ECSCR: variants seen among roughly 807,000 people sequenced by gnomAD.
ECSCR encodes endothelial cell surface expressed chemotaxis and apoptosis regulator, also known as endothelial cell-specific chemotaxis regulator.
A neutral mutation model predicts 16.7 loss-of-function variants in ECSCR; 12 were observed. That is an observed-to-expected ratio of 0.72 (90% CI 0.46 to 1.17). The LOEUF is 1.17. Among genes scored for constraint, ECSCR ranks in the 50% most tolerant of loss-of-function variants. ECSCR has a pLI of 0.00. For synonymous variants in ECSCR, 44 were observed against 42.2 expected (o/e 1.04, Z -0.17); for missense variants, 122 against 116.1 (o/e 1.05, Z -0.23).
rs535324332 is a variant in ECSCR at position 139,460,228 on chromosome 5, C to T, written c.62-2045G>A. ...TCAGCTCACTGCAACCTCCGCCTCCCGGGCTCAAGCTATTCTCCTGTCTCA... is the reference window on the plus strand; with the variant it reads ...TCAGCTCACTGCAACCTCCGCCTCCTGGGCTCAAGCTATTCTCCTGTCTCA... On this transcript the variant is annotated intron_variant, in intron 1 of 9. Coordinates refer to ENST00000618155, the MANE Select transcript of ECSCR (RefSeq NM_001077693.4). 7.2e-5 allele frequency among the ~76,000 whole-genome samples: 11 copies of T among 152,134 alleles called. No individual in the cohort carries two copies. The South Asian group carries it at 2.3e-3, about 32-fold the overall frequency.
At position 139,462,693 on chromosome 5, in the gene ECSCR, A is replaced by C; in HGVS notation, c.-23T>G. On this transcript the variant is annotated 5_prime_UTR_variant, in exon 1 of 10. Coordinates refer to ENST00000618155, the MANE Select transcript of ECSCR (RefSeq NM_001077693.4). ...CATGTCAGCTGGGTATGTGGCGGGC[A>C]GGCAGCAGCTCAGTGGAGGCTCTGT... 1 of 1,382,894 alleles carries C rather than the reference A, an allele frequency of 7.2e-7. No individual in the cohort carries two copies. Among genetic ancestry groups the C allele is most frequent in the Non-Finnish European group, 9.6e-7 (1 of 1,039,630 alleles). The allele number at this position is 1,382,894 out of a possible 1,614,324, so 85.7% of individuals were successfully genotyped here.
At chr5:139,460,545 T>C (rs1439393178) in intron 1 of ECSCR, among the ~76,000 whole-genome samples, 5 of 152,330 alleles carry the variant, frequency 3.3e-5, no homozygotes, top group South Asian at 2.1e-4. Flanking sequence ...AATTATTCAG[T>C]GGCTTGGGAG....
At chr5:139,457,879 A>G (rs1751194789) in intron 2 of ECSCR, 72 bp from the exon 3 acceptor site, 1 of 1,494,410 alleles carries the variant, frequency 6.7e-7, no homozygotes, top group Admixed American at 2.0e-5. Flanking sequence ...TGTTCCCTAG[A>G]TCTGTGTGTC....
intron 1 of ECSCR, 25 bp downstream of exon 1, chr5:139,462,585 T>C (rs1402527179): frequency 5.7e-6 from 9 of 1,586,512 alleles, no homozygotes; most frequent in Non-Finnish European, 6.9e-6. Context: ...GGAATTGCCA[T>C]GGGAAAGCGG....
At chr5:139,457,065 C>A (rs1416687933) in intron 4 of ECSCR, among the ~76,000 whole-genome samples, 1 of 152,246 alleles carries the variant, frequency 6.6e-6, no homozygotes, top group Non-Finnish European at 1.5e-5. Context: ...AGGAAGCACA[C>A]TCGGGCCTGC....
chr5:139,452,263 T>TG (rs1751073521), intron 8 of ECSCR, among the ~76,000 whole-genome samples: 1 of 29,876 alleles, frequency 3.3e-5, no homozygotes, highest in African/African-American at 1.3e-4. Context: ...TGTGGGTATA[T>TG]GTGTATAGTG....
intron 8 of ECSCR, among the ~76,000 whole-genome samples, chr5:139,452,486 G>T (rs2152088560): frequency 2.6e-5 from 1 of 38,090 alleles, no homozygotes; most frequent in East Asian, 8.1e-4. Flanking sequence ...GGTGTGGAGT[G>T]TGTGGTGTGT....
intron 8 of ECSCR, among the ~76,000 whole-genome samples, chr5:139,454,310 G>GTA (rs1451051632): frequency 6.8e-6 from 1 of 147,850 alleles, no homozygotes; most frequent in African/African-American, 2.5e-5. Flanking sequence ...TGGGAGGCGT[G>GTA]TATAATATGG....
Position 139,459,503 on chromosome 5 carries a change from C to G in ECSCR, c.62-1320G>C, listed in dbSNP as rs750579944. On this transcript the variant is annotated intron_variant, in intron 1 of 9. Transcript: ENST00000618155. ...TATGTACACGTGTGTCTGCGGGGCT[C>G]TATGCAAATGTATGTGCATGCTCGT... Among the ~76,000 whole-genome samples, 4 of 152,304 alleles carry G rather than the reference C, an allele frequency of 2.6e-5. No individual in the cohort carries two copies. The East Asian group carries it at 7.7e-4, about 29-fold the overall frequency.
In ECSCR at chr5:139,448,835, T is replaced by A; in HGVS notation, c.*65A>T. 1 of 1,531,800 alleles carries A rather than the reference T, an allele frequency of 6.5e-7. No individual in the cohort carries two copies. The highest frequency in any genetic ancestry group is 2.4e-5 in the East Asian group (1 of 40,906). The allele number at this position is 1,531,800 out of a possible 1,614,324, so 94.9% of individuals were successfully genotyped here. ...GTTCATTGCCTCTACTAATTCCATC[T>A]CTTCCTCCTTGTAGTCACAGGGCAG... is the stretch of plus-strand genomic sequence containing the variant. On this transcript the variant is annotated 3_prime_UTR_variant, in exon 10 of 10. Coordinates refer to ENST00000618155, the MANE Select transcript of ECSCR (RefSeq NM_001077693.4).
chr5:139,454,012 G>A (rs1177485337), intron 8 of ECSCR, among the ~76,000 whole-genome samples: 10 of 148,172 alleles, frequency 6.7e-5, no homozygotes, highest in Non-Finnish European at 1.3e-4. Flanking sequence ...TGGGGTGTGT[G>A]TATAGTATGG....
Position 139,454,857 on chromosome 5 carries a change from C to G in ECSCR, c.443G>C (p.Arg148Thr), listed in dbSNP as rs1424929501. Residue 148 changes from arginine to threonine, a missense_variant, in exon 7 of 10, where the codon AGG becomes ACG. By Grantham distance (71) the Arg-to-Thr change is moderately conservative. Coordinates refer to ENST00000618155, the MANE Select transcript of ECSCR (RefSeq NM_001077693.4). ...CTCCTTGCTCTTCCGACACTTGAAC[C>G]TCAGGCTGACCACACCAACTAGGAT... ...VIILVGVVSL[R>T]FKCRKSKESE... The G allele has an allele frequency of 1.3e-5, 5 of 398,728 alleles. No individual in the cohort carries two copies. The highest frequency in any genetic ancestry group is 1.0e-4 in the African/African-American group (5 of 48,680). 24.7% of individuals were successfully genotyped at this position (398,728 alleles called of 1,614,324 possible). A position where few individuals can be genotyped will look rare whatever the true frequency, so the allele number is the denominator to read the frequency against.
chr5:139,452,256 G>GGTA (rs1751072854), intron 8 of ECSCR, among the ~76,000 whole-genome samples: 1 of 138,722 alleles, frequency 7.2e-6, no homozygotes, highest in African/African-American at 2.7e-5. Context: ...TGGGGTGTGT[G>GGTA]GGTATATGTG....
chr5:139,459,878 T>C (rs1275640062), intron 1 of ECSCR, among the ~76,000 whole-genome samples: 4 of 152,192 alleles, frequency 2.6e-5, no homozygotes, highest in Admixed American at 6.5e-5. Flanking sequence ...ATCATCTGGA[T>C]AGTGTAGAAT....
intron 5 of ECSCR, among the ~76,000 whole-genome samples, chr5:139,456,109 G>A (rs995780994): frequency 6.6e-6 from 1 of 152,048 alleles, no homozygotes; most frequent in African/African-American, 2.4e-5. Context: ...GCAACAGAGC[G>A]AGACTCTGTC....
chr5:139,454,048 G>A (rs1377036032), intron 8 of ECSCR, among the ~76,000 whole-genome samples: 1 of 146,146 alleles, frequency 6.8e-6, no homozygotes, highest in Non-Finnish European at 1.5e-5. Flanking sequence ...TGGAGTGGTG[G>A]TGTGTGTGTG....
chr5:139,449,245 G>T lies in ECSCR; in HGVS notation c.513-71C>A, dbSNP rs529293034. On this transcript the variant is annotated intron_variant, in intron 8 of 9. Coordinates refer to ENST00000618155, the MANE Select transcript of ECSCR (RefSeq NM_001077693.4). Reference sequence around the variant, plus strand: ...GCAATGGGGAGTCAAGGAACTGTGAGGTTGTTGAGCCTTAGACCTTTGTCT... The same window carrying T: ...GCAATGGGGAGTCAAGGAACTGTGATGTTGTTGAGCCTTAGACCTTTGTCT... 9.5e-5 allele frequency: 110 copies of T among 1,153,406 alleles called. No homozygotes were observed. The African/African-American group carries it at 1.6e-3, about 17-fold the overall frequency. The allele number at this position is 1,153,406 out of a possible 1,614,324, so 71.4% of individuals were successfully genotyped here.
chr5:139,451,889 T>C (rs1334171178), intron 8 of ECSCR, among the ~76,000 whole-genome samples: 1 of 150,250 alleles, frequency 6.7e-6, no homozygotes, highest in Non-Finnish European at 1.5e-5. Context: ...GGGTGTGGGG[T>C]GTGTGTGTTT....
At chr5:139,462,366 C>T (rs1423130588) in intron 1 of ECSCR, among the ~76,000 whole-genome samples, 1 of 152,162 alleles carries the variant, frequency 6.6e-6, no homozygotes, top group Non-Finnish European at 1.5e-5. Flanking sequence ...AGGAGGCCAG[C>T]CTTTATGGGG....
Sources: gnomAD v4.1 joint callset for allele counts (sites outside exome capture counted in the v4.1 genomes callset) on GRCh38, gnomAD v4.1.1 for gene constraint, MANE v1.5 for transcripts, NCBI Gene and HGNC (gene_info 2026-07-23, HGNC 2026-07-21) for gene names.